Variants in LIPC observed in about 807,000 individuals in gnomAD.
The protein encoded by LIPC is hepatic triacylglycerol lipase.
A neutral mutation model predicts 50.7 loss-of-function variants in LIPC; 44 were observed. The ratio of observed to expected loss-of-function variants is 0.87; its 90% CI spans 0.68 to 1.11. The LOEUF (loss-of-function observed/expected upper bound fraction) is 1.11, where lower values mean the gene tolerates loss of function less well. LIPC is among the 50% of genes most tolerant of loss of function. The pLI is 0.00. For missense variants in LIPC, 697 were observed against 648.2 expected (o/e 1.08, Z -0.82); for synonymous variants, 271 against 256.4 (o/e 1.06, Z -0.54).
chr15:58,434,983 A>T (rs1199117386), intron 1 of LIPC: 4 of 152,236 alleles, frequency 2.6e-5, no homozygotes, highest in African/African-American at 9.7e-5. Context: ...CACTCTGTTC[A>T]CACGTTTCCT....
intron 6 of LIPC, among the ~76,000 whole-genome samples, chr15:58,559,716 A>AC (rs869075261): frequency 1.0e-4 from 8 of 78,532 alleles, no homozygotes; most frequent in African/African-American, 2.6e-4. Flanking sequence ...AAAAAAAAAA[A>AC]AAAAAAAAAC....
intron 1 of LIPC, among the ~76,000 whole-genome samples, chr15:58,453,874 AAAAAG>A (rs765639476): frequency 7.0e-4 from 107 of 152,156 alleles, no homozygotes; most frequent in Middle Eastern, 3.4e-3. Flanking sequence ...CTCAAAAAAA[AAAAAG>A]AAAAGAAAAG....
intron 1 of LIPC, 78 bp from the exon 2 acceptor site, chr15:58,538,255 A>G: frequency 1.4e-6 from 2 of 1,395,520 alleles, no homozygotes; most frequent in Non-Finnish European, 2.0e-6. Context: ...GTGCTTGTAG[A>G]AGCAGCCTTT....
At chr15:58,471,335 G>GGA (rs1555399303) in intron 1 of LIPC, among the ~76,000 whole-genome samples, 1 of 141,080 alleles carries the variant, frequency 7.1e-6, no homozygotes, top group Non-Finnish European at 1.6e-5. Context: ...AGATGGGGGG[G>GGA]GGTGGTCTCA....
chr15:58,568,680 A>C (rs1172370461), intron 8 of LIPC, 36 bp from the exon 9 acceptor site: 3 of 1,230,018 alleles, frequency 2.4e-6, no homozygotes, highest in Non-Finnish European at 3.6e-6. Context: ...TCCACCTAAA[A>C]CTTAATGCTG....
At chr15:58,566,073 T>C in intron 8 of LIPC, 1 of 979,612 alleles carries the variant, frequency 1.0e-6, no homozygotes, top group Non-Finnish European at 1.2e-6. Flanking sequence ...CATGTTAAAA[T>C]GCAGGTTCTG....
chr15:58,473,040 G>A (rs1023769377), intron 1 of LIPC, among the ~76,000 whole-genome samples: 4 of 152,192 alleles, frequency 2.6e-5, no homozygotes, highest in East Asian at 1.9e-4. Context: ...GGAGCTGGAC[G>A]CCTGGACAGC....
rs181580712 is a variant in LIPC at position 58,516,466 on chromosome 15, A to T, written c.89-21867A>T. On this transcript the variant is annotated intron_variant, in intron 1 of 8. Coordinates refer to ENST00000299022, the MANE Select transcript of LIPC (RefSeq NM_000236.3). ...CTTTGGAATTTTCAATTACATATAT[A>T]TGAGGCCTCTTAAAATTGCCCGACA... Among the ~76,000 whole-genome samples, 5 of 152,034 alleles carry T rather than the reference A, an allele frequency of 3.3e-5. No individual in the cohort carries two copies. The East Asian group carries it at 9.7e-4, about 29-fold the overall frequency.
chr15:58,566,377 T>C, intron 8 of LIPC: 1 of 985,410 alleles, frequency 1.0e-6, no homozygotes. Flanking sequence ...ACTTCACTGC[T>C]CACAATCTGT....
chr15:58,466,594 G>A (rs1475112390), intron 1 of LIPC, among the ~76,000 whole-genome samples: 1 of 152,182 alleles, frequency 6.6e-6, no homozygotes, highest in Non-Finnish European at 1.5e-5. Flanking sequence ...AACAAGCTGC[G>A]AAGACCAAAA....
At chr15:58,564,078 G>T in intron 8 of LIPC, 1 of 331,020 alleles carries the variant, frequency 3.0e-6, no homozygotes, top group Non-Finnish European at 5.8e-6. Flanking sequence ...TGCTGTGGTA[G>T]ATGCAACATC....
chr15:58,515,626 T>C (rs536896574), intron 1 of LIPC, among the ~76,000 whole-genome samples: 8 of 151,946 alleles, frequency 5.3e-5, no homozygotes, highest in African/African-American at 1.7e-4. Context: ...AATCCCCTTA[T>C]TCTATAAAGG....
At chr15:58,541,738 C>T (rs763678381) in intron 2 of LIPC, 47 bp from the exon 3 acceptor site, 42 of 1,568,390 alleles carry the variant, frequency 2.7e-5, no homozygotes, top group East Asian at 2.0e-4. Flanking sequence ...GAAGGGTGAG[C>T]GGGGAGAAAG....
At chr15:58,540,929 T>C (rs1893296947) in intron 2 of LIPC, among the ~76,000 whole-genome samples, 1 of 151,914 alleles carries the variant, frequency 6.6e-6, no homozygotes, top group South Asian at 2.1e-4. Flanking sequence ...GACTCTGGAG[T>C]AGCTGGGGCT....
At chr15:58,446,507 A>G (rs188143173) in intron 1 of LIPC, among the ~76,000 whole-genome samples, 1 of 152,102 alleles carries the variant, frequency 6.6e-6, no homozygotes, top group Non-Finnish European at 1.5e-5. Context: ...TCCACTCAAG[A>G]TCCTCCTGTT....
intron 6 of LIPC, among the ~76,000 whole-genome samples, chr15:58,550,579 C>A (rs147960540): frequency 1.3e-5 from 2 of 152,072 alleles, no homozygotes; most frequent in Admixed American, 6.5e-5. Context: ...CTCATCCATC[C>A]GTATATTCTT....
At chr15:58,484,372 A>G (rs1891293911) in intron 1 of LIPC, among the ~76,000 whole-genome samples, 1 of 152,248 alleles carries the variant, frequency 6.6e-6, no homozygotes, top group African/African-American at 2.4e-5. Context: ...GAAGAAGTGG[A>G]CACGAGCACA....
chr15:58,442,416 C>T (rs188239986), intron 1 of LIPC, among the ~76,000 whole-genome samples: 1 of 152,208 alleles, frequency 6.6e-6, no homozygotes, highest in African/African-American at 2.4e-5. Flanking sequence ...ACAGCCCACG[C>T]AGTCAATGAC....
At chr15:58,446,388 C>A (rs886133487) in intron 1 of LIPC, among the ~76,000 whole-genome samples, 5 of 152,222 alleles carry the variant, frequency 3.3e-5, no homozygotes, top group Non-Finnish European at 7.4e-5. Flanking sequence ...AGTACCATCA[C>A]CACACCTCAG....
Sources: allele counts gnomAD v4.1 joint callset (sites outside exome capture counted in the v4.1 genomes callset), GRCh38; gene constraint gnomAD v4.1.1; transcripts MANE v1.5; gene names NCBI Gene and HGNC (gene_info 2026-07-23, HGNC 2026-07-21).